The following PLD5 variants were observed in gnomAD, a reference collection of about 807,000 sequenced individuals.
PLD5 encodes the protein phospholipase D family member 5, also known as inactive phospholipase D5.
Under a neutral mutation model 61.1 loss-of-function variants are expected in PLD5, and 36 were observed. The observed-to-expected ratio is 0.59, with a 90% CI of 0.45 to 0.78. The LOEUF (loss-of-function observed/expected upper bound fraction) is 0.78. PLD5 is among the 30% of genes least tolerant of loss of function. The probability of loss-of-function intolerance (pLI) is 0.00; values close to 1 mark genes in which losing one functional copy is unlikely to be tolerated. For missense variants in PLD5, 515 were observed against 644.4 expected, an observed-to-expected ratio of 0.80 and a Z score of 2.17; for synonymous variants, 243 against 242.8, an observed-to-expected ratio of 1.00 and a Z score of -0.01.
At chr1:242,133,157 G>T (rs1005133584) in intron 5 of PLD5, among the ~76,000 whole-genome samples, 9 of 151,918 alleles carry the variant, frequency 5.9e-5, no homozygotes, top group Non-Finnish European at 1.0e-4. Flanking sequence ...TTTGCATAGG[G>T]GTATAACTTT....
At chr1:242,210,041 C>T (rs1054643651) in intron 5 of PLD5, among the ~76,000 whole-genome samples, 80 of 152,130 alleles carry the variant, frequency 5.3e-4, no homozygotes, top group African/African-American at 1.8e-3. Context: ...GTGATCTGCC[C>T]GCCTCGGCCT....
chr1:242,367,171 A>G (rs1364724632), intron 1 of PLD5, among the ~76,000 whole-genome samples: 1 of 152,190 alleles, frequency 6.6e-6, no homozygotes, highest in Non-Finnish European at 1.5e-5. Context: ...TATCATAATA[A>G]TTTTATAATG....
chr1:242,153,490 T>C (rs1299842490), intron 5 of PLD5, among the ~76,000 whole-genome samples: 2 of 152,128 alleles, frequency 1.3e-5, no homozygotes, highest in Admixed American at 1.3e-4. Flanking sequence ...TTAGGTCTTA[T>C]GTTTAACTCT....
intron 1 of PLD5, among the ~76,000 whole-genome samples, chr1:242,445,483 A>AG (rs1666488481): frequency 1.3e-5 from 2 of 152,156 alleles, no homozygotes; most frequent in Admixed American, 6.6e-5. Flanking sequence ...CTGTGATTAC[A>AG]GGTGCCCACC....
At chr1:242,196,411 T>C (rs553020022) in intron 5 of PLD5, among the ~76,000 whole-genome samples, 102 of 152,298 alleles carry the variant, frequency 6.7e-4, no homozygotes, top group Middle Eastern at 3.4e-3. Context: ...GGCATTACTG[T>C]GGCACTTACT....
intron 1 of PLD5, among the ~76,000 whole-genome samples, chr1:242,362,983 C>A (rs1661152065): frequency 6.6e-6 from 1 of 152,156 alleles, no homozygotes; most frequent in South Asian, 2.1e-4. Flanking sequence ...CCACCACAAT[C>A]CCTAAGTTGA....
intron 5 of PLD5, among the ~76,000 whole-genome samples, chr1:242,146,039 A>G (rs1235361849): frequency 6.6e-6 from 1 of 152,214 alleles, no homozygotes; most frequent in African/African-American, 2.4e-5. Flanking sequence ...CTGTTCTTAA[A>G]GTTGAGCAGG....
chr1:242,489,718 C>T (rs748018246), intron 1 of PLD5, among the ~76,000 whole-genome samples: 2 of 152,132 alleles, frequency 1.3e-5, no homozygotes, highest in African/African-American at 2.4e-5. Flanking sequence ...GAGGAATCCT[C>T]GTTCATTGTG....
intron 2 of PLD5, among the ~76,000 whole-genome samples, chr1:242,307,726 A>G (rs539716980): frequency 1.3e-4 from 20 of 152,206 alleles, no homozygotes; most frequent in Admixed American, 1.3e-4. Flanking sequence ...AGAAATAAAC[A>G]TTTGCGAGTC....
intron 1 of PLD5, among the ~76,000 whole-genome samples, chr1:242,459,250 T>C (rs1243669266): frequency 6.6e-6 from 1 of 152,208 alleles, no homozygotes; most frequent in Non-Finnish European, 1.5e-5. Flanking sequence ...TAAAACGCCA[T>C]TTACAAGGAA....
intron 5 of PLD5, among the ~76,000 whole-genome samples, chr1:242,171,716 A>AT (rs1301951332): frequency 8.9e-6 from 1 of 112,318 alleles, no homozygotes; most frequent in Admixed American, 1.0e-4. Context: ...GCAAATGGAA[A>AT]GAAAAAAAAA....
intron 1 of PLD5, among the ~76,000 whole-genome samples, chr1:242,481,524 C>A (rs954078560): frequency 4.6e-5 from 7 of 152,228 alleles, no homozygotes; most frequent in Admixed American, 3.3e-4. Flanking sequence ...GGGCGCCTGC[C>A]ATTGCTGAGG....
chr1:242,390,137 C>T (rs925368338), intron 1 of PLD5, among the ~76,000 whole-genome samples: 16 of 151,818 alleles, frequency 1.1e-4, no homozygotes, highest in Non-Finnish European at 1.9e-4. Flanking sequence ...CAGCTCACTG[C>T]AGTCTCTGCC....
At chr1:242,123,545 A>G (rs1336925859) in intron 6 of PLD5, among the ~76,000 whole-genome samples, 1 of 152,042 alleles carries the variant, frequency 6.6e-6, no homozygotes, top group East Asian at 1.9e-4. Flanking sequence ...TCACACTGGG[A>G]CCACACAGAT....
intron 5 of PLD5, among the ~76,000 whole-genome samples, chr1:242,182,778 G>A (rs1667604472): frequency 6.6e-6 from 1 of 152,172 alleles, no homozygotes; most frequent in Non-Finnish European, 1.5e-5. Flanking sequence ...AGGAGACGGA[G>A]GTTGCAGTGA....
At chr1:242,107,234 G>T (rs1489402566) in intron 8 of PLD5, among the ~76,000 whole-genome samples, 3 of 152,126 alleles carry the variant, frequency 2.0e-5, no homozygotes, top group African/African-American at 7.2e-5. Context: ...CCAGCACTTT[G>T]GAAGGCCAAG....
chr1:242,394,515 C>T lies in PLD5; in HGVS notation c.190-46273G>A, dbSNP rs111206206. On this transcript the variant is annotated intron_variant, in intron 1 of 9. Coordinates refer to ENST00000536534, the MANE Select transcript of PLD5 (RefSeq NM_001372062.1). ...ACATATATATGTGTATATATGTGAA[C>T]ATATATATGTGTATATATGTGAACA... 3.3e-3 allele frequency among the ~76,000 whole-genome samples: 108 copies of T among 32,778 alleles called. 2 individuals carry two copies. The highest frequency in any genetic ancestry group is 3.8e-3 in the Non-Finnish European group (74 of 19,326). The allele number at this position is 32,778 out of a possible 152,430, so 21.5% of individuals were successfully genotyped here.
At chr1:242,409,073 AAAG>A (rs150557486) in intron 1 of PLD5, among the ~76,000 whole-genome samples, 18,383 of 116,742 alleles carry the variant, frequency 0.16, 1,178 homozygotes, top group East Asian at 0.25. Flanking sequence ...CTCAAAAAAA[AAAG>A]AAAAGAAAAG....
At chr1:242,334,594 G>T (rs1427035387) in intron 2 of PLD5, among the ~76,000 whole-genome samples, 1 of 152,018 alleles carries the variant, frequency 6.6e-6, no homozygotes, top group African/African-American at 2.4e-5. Context: ...ACTTGGCCCT[G>T]GGAGCATAAA....
Sources: allele counts gnomAD v4.1 joint callset (sites outside exome capture counted in the v4.1 genomes callset), GRCh38; gene constraint gnomAD v4.1.1; transcripts MANE v1.5; gene names NCBI Gene and HGNC (gene_info 2026-07-23, HGNC 2026-07-21).